The following SMG6 variants were observed in gnomAD, a reference collection of about 807,000 sequenced individuals.
SMG6 encodes the protein SMG6 nonsense mediated mRNA decay factor.
SMG6 carries 66 observed loss-of-function variants against 142.2 expected under a neutral mutation model. That is an observed-to-expected ratio of 0.46 (90% confidence interval 0.38 to 0.57). The LOEUF is 0.57. SMG6 is among the 20% of genes least tolerant of loss of function. The pLI, the probability that SMG6 is intolerant of heterozygous loss-of-function variation, is 0.00. For missense variants in SMG6, 1,793 were observed against 1,832.0 expected, an observed-to-expected ratio of 0.98 and a Z score of 0.39; for synonymous variants, 779 against 702.4, an observed-to-expected ratio of 1.11 and a Z score of -1.72.
At chr17:2,128,175 C>G (rs370068339) in intron 13 of SMG6, among the ~76,000 whole-genome samples, 3 of 152,216 alleles carry the variant, frequency 2.0e-5, no homozygotes, top group African/African-American at 7.2e-5. Context: ...CATCCACGCG[C>G]CGCTTTGTCC....
At chr17:2,131,568 G>A (rs2070122746) in intron 13 of SMG6, among the ~76,000 whole-genome samples, 1 of 152,112 alleles carries the variant, frequency 6.6e-6, no homozygotes. Context: ...AAAATGCTGG[G>A]GGATTCCAGG....
chr17:2,093,119 A>G (rs1297740666), intron 13 of SMG6, among the ~76,000 whole-genome samples: 1 of 151,946 alleles, frequency 6.6e-6, no homozygotes, highest in African/African-American at 2.4e-5. Flanking sequence ...TATTGAACCC[A>G]GGAAGTGGAG....
At chr17:2,104,939 A>G (rs2069113967) in intron 13 of SMG6, among the ~76,000 whole-genome samples, 1 of 151,824 alleles carries the variant, frequency 6.6e-6, no homozygotes, top group African/African-American at 2.4e-5. Flanking sequence ...TTTTTGGGAG[A>G]CAAGGTCACA....
chr17:2,139,590 T>C (rs191637673), intron 13 of SMG6, among the ~76,000 whole-genome samples: 75 of 151,104 alleles, frequency 5.0e-4, no homozygotes, highest in African/African-American at 1.8e-3. Flanking sequence ...CCTGGCTAAT[T>C]TTGTATTTTT....
At position 2,184,859 on chromosome 17, in the gene SMG6, G is replaced by A. The variant is rs151014800; in HGVS notation, c.3155+1804C>T. Among the ~76,000 whole-genome samples the A allele has an allele frequency of 3.8e-3, 574 of 149,212 alleles. 5 individuals carry two copies. The highest frequency in any genetic ancestry group is 0.013 in the African/African-American group (541 of 40,726). On this transcript the variant is annotated intron_variant, in intron 12 of 18. Coordinates refer to ENST00000263073, the MANE Select transcript of SMG6 (RefSeq NM_017575.5). The stretch of plus-strand genomic sequence containing the variant: ...AGGTGCCTGTAATCCCAGCTACTCG[G>A]GAGGCTGAGGTAGGAGAATAGCTTG...
In SMG6 at chr17:2,128,045, T is replaced by C. The variant is rs1301126737; in HGVS notation, c.3358-42144A>G. ...CTCCCAGAAGAGCTGAAATCTCTCC[T>C]GTGCTCCAGCTGCAGGTATCCAGCA... On this transcript the variant is annotated intron_variant, in intron 13 of 18. Coordinates refer to ENST00000263073, the MANE Select transcript of SMG6 (RefSeq NM_017575.5). 7.2e-6 allele frequency: 3 copies of C among 417,884 alleles called. No individual in the cohort carries two copies. In the East Asian group the frequency reaches 1.7e-4, roughly 24 times the overall value. The allele number at this position is 417,884 out of a possible 1,614,324, so 25.9% of individuals were successfully genotyped here. A position where few individuals can be genotyped will look rare whatever the true frequency, so the allele number is the denominator to read the frequency against.
chr17:2,091,144 C>T (rs2068704061), intron 13 of SMG6, among the ~76,000 whole-genome samples: 1 of 152,214 alleles, frequency 6.6e-6, no homozygotes, highest in South Asian at 2.1e-4. Flanking sequence ...AAGCTCAATT[C>T]TGTAGCAGCC....
chr17:2,146,295 T>C (rs996677199), intron 13 of SMG6, among the ~76,000 whole-genome samples: 6 of 152,158 alleles, frequency 3.9e-5, no homozygotes, highest in South Asian at 2.1e-4. Context: ...CCCTAAACAA[T>C]GCTGAGCAGA....
chr17:2,144,873 A>C (rs140827815), intron 13 of SMG6, among the ~76,000 whole-genome samples: 3 of 151,820 alleles, frequency 2.0e-5, no homozygotes, highest in Non-Finnish European at 4.4e-5. Flanking sequence ...ATCATTCCTC[A>C]CCTAGGGCGC....
chr17:2,127,815 G>A (rs376206468), intron 13 of SMG6: 41 of 548,934 alleles, frequency 7.5e-5, no homozygotes, highest in African/African-American at 5.3e-4. Context: ...TAATCATATC[G>A]TTTTTCACAT....
chr17:2,201,168 G>T (rs1597587163), intron 10 of SMG6, among the ~76,000 whole-genome samples: 1 of 152,104 alleles, frequency 6.6e-6, no homozygotes, highest in African/African-American at 2.4e-5. Context: ...GGTATATAAA[G>T]AACTCTTTCA....
At chr17:2,102,299 C>T (rs2069030296) in intron 13 of SMG6, among the ~76,000 whole-genome samples, 1 of 152,090 alleles carries the variant, frequency 6.6e-6, no homozygotes, top group East Asian at 1.9e-4. Flanking sequence ...TTAACATACC[C>T]ATCACCTCAA....
At chr17:2,276,104 C>G (rs2074642567) in intron 8 of SMG6, among the ~76,000 whole-genome samples, 1 of 152,188 alleles carries the variant, frequency 6.6e-6, no homozygotes, top group Non-Finnish European at 1.5e-5. Flanking sequence ...GCTAATCACC[C>G]AGTTCTGCTA....
intron 8 of SMG6, among the ~76,000 whole-genome samples, chr17:2,255,489 C>T (rs1333120026): frequency 6.7e-6 from 1 of 150,004 alleles, no homozygotes; most frequent in Non-Finnish European, 1.5e-5. Context: ...CATGAGCAAA[C>T]CTGTATTTGT....
chr17:2,105,524 C>T (rs192052560), intron 13 of SMG6, among the ~76,000 whole-genome samples: 13 of 152,104 alleles, frequency 8.5e-5, no homozygotes, highest in Admixed American at 4.6e-4. Context: ...GCCTGAGCAA[C>T]AAGAGCAAAA....
intron 13 of SMG6, among the ~76,000 whole-genome samples, chr17:2,137,297 A>C (rs757071179): frequency 3.3e-5 from 5 of 152,240 alleles, no homozygotes; most frequent in Non-Finnish European, 7.3e-5. Context: ...AGGGAGTACC[A>C]AAAGTGGTGA....
At chr17:2,278,262 G>C (rs1308767444) in intron 8 of SMG6, among the ~76,000 whole-genome samples, 1 of 151,026 alleles carries the variant, frequency 6.6e-6, no homozygotes, top group East Asian at 1.9e-4. Context: ...GAGTGCAATG[G>C]TGCAATCTTG....
intron 13 of SMG6, among the ~76,000 whole-genome samples, chr17:2,149,042 C>T (rs2070749857): frequency 6.6e-6 from 1 of 151,884 alleles, no homozygotes; most frequent in African/African-American, 2.4e-5. Context: ...GCTGTAGAAC[C>T]GTACATTTAA....
chr17:2,169,553 C>T (rs999086001), intron 13 of SMG6, among the ~76,000 whole-genome samples: 3 of 152,076 alleles, frequency 2.0e-5, no homozygotes, highest in Admixed American at 6.6e-5. Context: ...GGCACACAGC[C>T]GAGTACAGAG....
Sources: allele counts gnomAD v4.1 joint callset (sites outside exome capture counted in the v4.1 genomes callset), GRCh38; gene constraint gnomAD v4.1.1; transcripts MANE v1.5; gene names NCBI Gene and HGNC (gene_info 2026-07-23, HGNC 2026-07-21).